The following CDYL2 variants were observed in gnomAD, a reference collection of about 807,000 sequenced individuals.
The protein encoded by CDYL2 is chromodomain Y-like protein 2.
CDYL2 carries 23 observed loss-of-function variants against 49.4 expected under a neutral mutation model. The ratio of observed to expected loss-of-function variants is 0.47; its 90% CI spans 0.34 to 0.66. CDYL2 has a LOEUF of 0.66. Ranked by LOEUF, CDYL2 falls within the 30% of genes least tolerant of loss-of-function variation. CDYL2 has a pLI of 0.01. For missense variants in CDYL2, 678 were observed against 656.4 expected, an observed-to-expected ratio of 1.03 and a Z score of -0.36; for synonymous variants, 360 against 268.8, an observed-to-expected ratio of 1.34 and a Z score of -3.32.
chr16:80,675,107 A>G (rs1909688913), intron 2 of CDYL2, among the ~76,000 whole-genome samples: 1 of 152,242 alleles, frequency 6.6e-6, no homozygotes, highest in African/African-American at 2.4e-5. Flanking sequence ...ACTACTGAAG[A>G]TGCCTCAAAG....
At chr16:80,615,115 G>C (rs1906771854) in intron 4 of CDYL2, among the ~76,000 whole-genome samples, 1 of 152,142 alleles carries the variant, frequency 6.6e-6, no homozygotes. Context: ...GGTGGAGTTA[G>C]CTCTCAGTCC....
At chr16:80,786,326 A>G (rs908014503) in intron 1 of CDYL2, among the ~76,000 whole-genome samples, 4 of 152,248 alleles carry the variant, frequency 2.6e-5, no homozygotes, top group Non-Finnish European at 5.9e-5. Context: ...CACTTCTCAA[A>G]AGAAGACATT....
chr16:80,625,203 C>T (rs1465397156), intron 3 of CDYL2, among the ~76,000 whole-genome samples: 1 of 152,214 alleles, frequency 6.6e-6, no homozygotes, highest in African/African-American at 2.4e-5. Context: ...AGCAAGACTG[C>T]ATTCCTTTGT....
intron 1 of CDYL2, among the ~76,000 whole-genome samples, chr16:80,767,259 C>A (rs1454336172): frequency 6.6e-6 from 1 of 152,196 alleles, no homozygotes; most frequent in African/African-American, 2.4e-5. Flanking sequence ...AATACCCCAA[C>A]TGCATTTTTG....
chr16:80,626,296 A>G (rs570795151), intron 3 of CDYL2, among the ~76,000 whole-genome samples: 93 of 145,760 alleles, frequency 6.4e-4, no homozygotes, highest in South Asian at 2.4e-3. Context: ...AAAAAAAAAA[A>G]GGAAAAAATT....
intron 2 of CDYL2, chr16:80,679,589 T>G (rs1909893391): frequency 4.9e-6 from 2 of 409,090 alleles, no homozygotes; most frequent in African/African-American, 4.1e-5. Flanking sequence ...CTTTGGAAAC[T>G]CCAAGGCCTC....
chr16:80,737,107 T>A (rs562346623), intron 1 of CDYL2, among the ~76,000 whole-genome samples: 1 of 152,164 alleles, frequency 6.6e-6, no homozygotes, highest in Non-Finnish European at 1.5e-5. Context: ...GGACAGCCTG[T>A]AGGAAAACTG....
chr16:80,666,862 C>A (rs1171343494), intron 2 of CDYL2, among the ~76,000 whole-genome samples: 1 of 152,170 alleles, frequency 6.6e-6, no homozygotes, highest in East Asian at 1.9e-4. Context: ...CTCACTCATT[C>A]ATTTCTTAAG....
intron 4 of CDYL2, among the ~76,000 whole-genome samples, chr16:80,617,667 G>A (rs756730118): frequency 3.3e-5 from 5 of 151,994 alleles, no homozygotes; most frequent in Admixed American, 1.3e-4. Flanking sequence ...TTCTAACCCC[G>A]GGAGCATCTG....
intron 6 of CDYL2, among the ~76,000 whole-genome samples, chr16:80,604,895 T>G (rs1906263645): frequency 6.6e-6 from 1 of 152,216 alleles, no homozygotes; most frequent in Admixed American, 6.5e-5. Flanking sequence ...GTGATTCATT[T>G]TCATGATCTG....
intron 1 of CDYL2, among the ~76,000 whole-genome samples, chr16:80,689,595 C>T (rs1910330501): frequency 6.6e-6 from 1 of 152,170 alleles, no homozygotes; most frequent in Non-Finnish European, 1.5e-5. Flanking sequence ...GCTATTAGAA[C>T]AGGGCAGGGC....
At chr16:80,644,809 G>C (rs1050903743) in intron 2 of CDYL2, among the ~76,000 whole-genome samples, 6 of 152,100 alleles carry the variant, frequency 3.9e-5, no homozygotes, top group African/African-American at 1.4e-4. Context: ...CAATGGAACA[G>C]AACAGAGCCC....
chr16:80,641,283 C>G (rs1194846562), intron 2 of CDYL2, among the ~76,000 whole-genome samples: 1 of 152,066 alleles, frequency 6.6e-6, no homozygotes, highest in African/African-American at 2.4e-5. Context: ...GGAAACCTTA[C>G]AGGCCAGGAG....
At chr16:80,746,630 TC>T (rs1192711372) in intron 1 of CDYL2, among the ~76,000 whole-genome samples, 1 of 152,116 alleles carries the variant, frequency 6.6e-6, no homozygotes. Flanking sequence ...CCAGGCGGGA[TC>T]TTCCCTTAAC....
chr16:80,644,658 A>G (rs1022889445), intron 2 of CDYL2, among the ~76,000 whole-genome samples: 5 of 152,208 alleles, frequency 3.3e-5, no homozygotes, highest in Non-Finnish European at 5.9e-5. Flanking sequence ...TAAAACCATC[A>G]GATCTCGTGA....
At chr16:80,796,058 T>C (rs1234572895) in intron 1 of CDYL2, among the ~76,000 whole-genome samples, 2 of 152,192 alleles carry the variant, frequency 1.3e-5, no homozygotes, top group Non-Finnish European at 1.5e-5. Flanking sequence ...CTAGAATATA[T>C]ACATTAAGAG....
chr16:80,643,218 C>A (rs1030467808), intron 2 of CDYL2, among the ~76,000 whole-genome samples: 9 of 152,194 alleles, frequency 5.9e-5, no homozygotes, highest in Non-Finnish European at 1.3e-4. Flanking sequence ...AATTTTAAAG[C>A]TCCAAAATGA....
chr16:80,803,905 A>T (rs1908009645), intron 1 of CDYL2, among the ~76,000 whole-genome samples: 1 of 143,586 alleles, frequency 7.0e-6, no homozygotes, highest in Non-Finnish European at 1.5e-5. Context: ...GGAGTAAGAG[A>T]GTGTGTGTGC....
At chr16:80,623,993 C>T (rs889231865) in intron 3 of CDYL2, among the ~76,000 whole-genome samples, 2 of 152,164 alleles carry the variant, frequency 1.3e-5, no homozygotes, top group Non-Finnish European at 2.9e-5. Context: ...CCACATGCTA[C>T]GTTCTGAGGC....
Sources: gnomAD v4.1 joint callset for allele counts (sites outside exome capture counted in the v4.1 genomes callset) on GRCh38, gnomAD v4.1.1 for gene constraint, MANE v1.5 for transcripts, NCBI Gene and HGNC (gene_info 2026-07-23, HGNC 2026-07-21) for gene names.